Variants in GRK5 observed in about 807,000 individuals in gnomAD.
GRK5 encodes the protein G protein-coupled receptor kinase 5.
A neutral mutation model predicts 78.4 loss-of-function variants in GRK5; 40 were observed. That is an observed-to-expected ratio of 0.51 (90% CI 0.40 to 0.66). The LOEUF is 0.66. Ranked by LOEUF, GRK5 falls within the 30% of genes least tolerant of loss-of-function variation. GRK5 has a pLI of 0.00. For missense variants in GRK5, 598 were observed against 759.9 expected (o/e 0.79, Z 2.50); for synonymous variants, 289 against 296.8 (o/e 0.97, Z 0.27).
At chr10:119,387,946 T>G (rs2133839196) in intron 3 of GRK5, among the ~76,000 whole-genome samples, 1 of 78,188 alleles carries the variant, frequency 1.3e-5, no homozygotes, top group South Asian at 4.0e-4. Flanking sequence ...ATTAAAAAAA[T>G]AAAGAAGATT....
intron 1 of GRK5, among the ~76,000 whole-genome samples, chr10:119,214,078 G>A (rs1278349104): frequency 3.3e-5 from 5 of 152,284 alleles, no homozygotes; most frequent in African/African-American, 4.8e-5. Context: ...AGGTTCAAGC[G>A]ATTCTCCTGC....
intron 1 of GRK5, among the ~76,000 whole-genome samples, chr10:119,309,622 A>G (rs986667000): frequency 9.2e-5 from 14 of 152,178 alleles, no homozygotes; most frequent in African/African-American, 3.4e-4. Flanking sequence ...TTACGCTTGA[A>G]CAATCTGAAG....
intron 1 of GRK5, among the ~76,000 whole-genome samples, chr10:119,221,098 G>A (rs1204156398): frequency 1.3e-5 from 2 of 152,120 alleles, no homozygotes; most frequent in Non-Finnish European, 2.9e-5. Flanking sequence ...GGAGGTTGCA[G>A]TGAGCCGAGA....
intron 12 of GRK5, among the ~76,000 whole-genome samples, chr10:119,444,549 C>T (rs1283904605): frequency 6.6e-6 from 1 of 152,204 alleles, no homozygotes; most frequent in Non-Finnish European, 1.5e-5. Context: ...AGCCCATGCC[C>T]CCTTGGGGCC....
At chr10:119,208,528 C>T (rs1848427887) in intron 1 of GRK5, 1 of 153,296 alleles carries the variant, frequency 6.5e-6, no homozygotes. Context: ...TTAGCCTTTT[C>T]ATAGAATTAT....
intron 1 of GRK5, among the ~76,000 whole-genome samples, chr10:119,260,901 G>A (rs532902345): frequency 0.13 from 20,094 of 151,540 alleles, 1,327 homozygotes; most frequent in Middle Eastern, 0.17. Context: ...ATCATGGCCC[G>A]TTCTCAATGA....
intron 4 of GRK5, among the ~76,000 whole-genome samples, chr10:119,402,561 C>T (rs925300409): frequency 2.0e-5 from 3 of 152,122 alleles, no homozygotes; most frequent in African/African-American, 2.4e-5. Flanking sequence ...TTTTGAAATA[C>T]CAATTTTATG....
At chr10:119,297,792 T>A (rs1214713297) in intron 1 of GRK5, among the ~76,000 whole-genome samples, 1 of 152,208 alleles carries the variant, frequency 6.6e-6, no homozygotes, top group Non-Finnish European at 1.5e-5. Context: ...TCCAGAACCA[T>A]GAAATAAATA....
At chr10:119,268,102 T>C (rs1849530026) in intron 1 of GRK5, among the ~76,000 whole-genome samples, 1 of 152,210 alleles carries the variant, frequency 6.6e-6, no homozygotes, top group African/African-American at 2.4e-5. Flanking sequence ...TCACTGTCTC[T>C]GTTGTGGACA....
chr10:119,409,623 G>A (rs1450706787), intron 4 of GRK5, among the ~76,000 whole-genome samples: 1 of 152,156 alleles, frequency 6.6e-6, no homozygotes, highest in Non-Finnish European at 1.5e-5. Context: ...CTCCCCATCC[G>A]TGGACCTTGG....
intron 1 of GRK5, among the ~76,000 whole-genome samples, chr10:119,300,934 C>CAA (rs113124455): frequency 6.6e-6 from 1 of 150,376 alleles, no homozygotes; most frequent in African/African-American, 2.4e-5. Context: ...AACTAAAATG[C>CAA]AAAAAAAACA....
chr10:119,394,114 G>A (rs1554916167), intron 3 of GRK5, among the ~76,000 whole-genome samples: 3 of 31,954 alleles, frequency 9.4e-5, no homozygotes, highest in African/African-American at 3.2e-4. Flanking sequence ...TCTGTGTGGG[G>A]GGTGTGTGTG....
chr10:119,451,359 A>G (rs1358450415), intron 13 of GRK5, among the ~76,000 whole-genome samples: 1 of 152,028 alleles, frequency 6.6e-6, no homozygotes, highest in Non-Finnish European at 1.5e-5. Flanking sequence ...ACAGATTTTT[A>G]AAATACGCTC....
intron 2 of GRK5, among the ~76,000 whole-genome samples, chr10:119,356,894 A>G (rs975734587): frequency 2.0e-5 from 3 of 152,270 alleles, no homozygotes; most frequent in African/African-American, 7.2e-5. Context: ...GCTTTGCTTT[A>G]CTAAAATTTG....
chr10:119,234,574 C>G (rs191214073), intron 1 of GRK5, among the ~76,000 whole-genome samples: 3 of 152,300 alleles, frequency 2.0e-5, no homozygotes, highest in Admixed American at 6.5e-5. Flanking sequence ...AATTTGGAAG[C>G]CAAGAATGGG....
In GRK5 at chr10:119,271,501, C is replaced by A. The variant is rs1468899361; in HGVS notation, c.53-55015C>A. Among the ~76,000 whole-genome samples, 1 of 152,218 alleles carries A rather than the reference C, an allele frequency of 6.6e-6. No homozygotes were observed. Among genetic ancestry groups the A allele is most frequent in the Non-Finnish European group, 1.5e-5 (1 of 68,046 alleles). On this transcript the variant is annotated intron_variant, in intron 1 of 15. Coordinates refer to ENST00000392870, the MANE Select transcript of GRK5 (RefSeq NM_005308.3). The surrounding 1 kb of genome is among the most constrained non-coding windows in gnomAD (Gnocchi z 4.1). ...GACATTTAGCATATACAGATCTGCA[C>A]ACTTGACAAAGAGGAATTTGGAGCC...
At position 119,253,618 on chromosome 10, in the gene GRK5, G is replaced by A. The variant is rs1000685120; in HGVS notation, c.52+45649G>A. 6.6e-6 allele frequency among the ~76,000 whole-genome samples: 1 copy of A among 152,210 alleles called. No homozygotes were observed. Among genetic ancestry groups the A allele is most frequent in the African/African-American group, 2.4e-5 (1 of 41,462 alleles). On this transcript the variant is annotated intron_variant, in intron 1 of 15. Transcript: ENST00000392870. This position sits in a 1 kb window ranked among gnomAD's most constrained non-coding sequence, Gnocchi z 5.7. ...CACACCCAGCTCGTTTGGAGGTCAC[G>A]GCTCACCATAAAAATGGTGTGAGTG... is the stretch of plus-strand genomic sequence containing the variant.
chr10:119,279,520 G>A (rs555379506), intron 1 of GRK5, among the ~76,000 whole-genome samples: 29 of 152,262 alleles, frequency 1.9e-4, no homozygotes, highest in Admixed American at 5.2e-4. Context: ...TGCTACTAGG[G>A]GGGTGGGAGT....
intron 4 of GRK5, among the ~76,000 whole-genome samples, chr10:119,398,565 G>A (rs1315474396): frequency 6.6e-6 from 1 of 152,164 alleles, no homozygotes. Flanking sequence ...TGCCCCCATA[G>A]GGCTACCCAG....
Sources: allele counts gnomAD v4.1 joint callset (sites outside exome capture counted in the v4.1 genomes callset), GRCh38; gene constraint gnomAD v4.1.1; non-coding constraint Gnocchi (gnomAD v3.1); transcripts MANE v1.5; gene names NCBI Gene and HGNC (gene_info 2026-07-23, HGNC 2026-07-21).